ANO2: variants seen among roughly 807,000 people sequenced by gnomAD.
ANO2 encodes the protein anoctamin 2.
ANO2 carries 101 observed loss-of-function variants against 124.2 expected under a neutral mutation model. The ratio of observed to expected loss-of-function variants is 0.81; its 90% CI spans 0.69 to 0.96. The LOEUF is 0.96. Among genes scored for constraint, ANO2 ranks in the 40% least tolerant of loss-of-function variants. The pLI is 0.00. For synonymous variants in ANO2, 486 were observed against 482.5 expected (o/e 1.01, Z -0.09); for missense variants, 1,293 against 1,274.5 (o/e 1.01, Z -0.22).
intron 7 of ANO2, among the ~76,000 whole-genome samples, chr12:5,812,827 G>A (rs1417431536): frequency 1.4e-5 from 2 of 141,448 alleles, no homozygotes; most frequent in Admixed American, 7.2e-5. Flanking sequence ...AGGAAGGGAG[G>A]AAGGAAAGAA....
intron 14 of ANO2, among the ~76,000 whole-genome samples, chr12:5,659,086 G>C (rs1265907792): frequency 1.3e-5 from 2 of 152,090 alleles, no homozygotes; most frequent in African/African-American, 2.4e-5. Flanking sequence ...TGGTCCCACT[G>C]TCCCCTCAGA....
At chr12:5,815,096 C>T (rs903375581) in intron 7 of ANO2, among the ~76,000 whole-genome samples, 1 of 152,310 alleles carries the variant, frequency 6.6e-6, no homozygotes, top group Non-Finnish European at 1.5e-5. Flanking sequence ...TCAGCTCTCA[C>T]AACAGAAAAC....
chr12:5,923,160 GCATACACACACA>G (rs1941856090), intron 1 of ANO2, among the ~76,000 whole-genome samples: 6 of 24,600 alleles, frequency 2.4e-4, no homozygotes, highest in Non-Finnish European at 4.2e-4. Context: ...ATACACACAC[GCATACACACACA>G]CGCACACACA....
chr12:5,787,130 A>C lies in ANO2; in HGVS notation c.1055+12377T>G, dbSNP rs1349821171. Among the ~76,000 whole-genome samples, 1 of 152,156 alleles carries C rather than the reference A, an allele frequency of 6.6e-6. No homozygotes were observed. The highest frequency in any genetic ancestry group is 2.4e-5 in the African/African-American group (1 of 41,424). ...AGTCATGATGGCCAGGCTGCCCACA[A>C]GTCCTTCAGAAGGACAAAGGGCACA... On this transcript the variant is annotated intron_variant, in intron 10 of 24. Coordinates refer to ENST00000682330, the MANE Select transcript of ANO2 (RefSeq NM_001364791.2). This position sits in a 1 kb window ranked among gnomAD's most constrained non-coding sequence, Gnocchi z 4.2.
chr12:5,579,558 C>T (rs550487508), intron 20 of ANO2, among the ~76,000 whole-genome samples: 10 of 152,282 alleles, frequency 6.6e-5, no homozygotes, highest in East Asian at 3.9e-4. Flanking sequence ...AGCCTCCTGA[C>T]GGGGTTTCTT....
chr12:5,678,772 A>T (rs1948364060), intron 14 of ANO2, among the ~76,000 whole-genome samples: 1 of 152,226 alleles, frequency 6.6e-6, no homozygotes, highest in Admixed American at 6.5e-5. Flanking sequence ...TGATTTGGAT[A>T]AAGAAAAATC....
chr12:5,795,859 T>C (rs561517801), intron 10 of ANO2, among the ~76,000 whole-genome samples: 7 of 152,286 alleles, frequency 4.6e-5, no homozygotes, highest in Admixed American at 1.3e-4. Context: ...GTTTTCCTCC[T>C]GGGTTTTAGA....
intron 3 of ANO2, among the ~76,000 whole-genome samples, chr12:5,911,125 T>C (rs1393561578): frequency 6.6e-6 from 1 of 152,212 alleles, no homozygotes; most frequent in Non-Finnish European, 1.5e-5. Context: ...TCACCTCTGT[T>C]ACTGCACTTT....
intron 15 of ANO2, among the ~76,000 whole-genome samples, 172 bp downstream of exon 15, chr12:5,647,555 G>A (rs1946705986): frequency 6.6e-6 from 1 of 152,162 alleles, no homozygotes; most frequent in Admixed American, 6.5e-5. Context: ...ATTCTAGCAT[G>A]GGTGGTCAAT....
At chr12:5,852,859 G>GTGTA (rs1954955243) in intron 4 of ANO2, among the ~76,000 whole-genome samples, 1 of 145,960 alleles carries the variant, frequency 6.9e-6, no homozygotes, top group Non-Finnish European at 1.5e-5. Context: ...GTGTGTGTGT[G>GTGTA]TGTGTGTGTG....
At chr12:5,849,512 A>G (rs1954800303) in intron 4 of ANO2, among the ~76,000 whole-genome samples, 1 of 152,212 alleles carries the variant, frequency 6.6e-6, no homozygotes, top group Non-Finnish European at 1.5e-5. Context: ...CTCGGGGCCA[A>G]AGGCCAGGCC....
At position 5,570,377 on chromosome 12, in the gene ANO2, A is replaced by G. The variant is rs112589610; in HGVS notation, c.2622-4714T>C. Among the ~76,000 whole-genome samples, 1,237 of 152,264 alleles carry G rather than the reference A, an allele frequency of 8.1e-3. 8 individuals are homozygous for G. The highest frequency in any genetic ancestry group is 0.027 in the African/African-American group (1,104 of 41,538). ...GGGCAGGGGTTAGGGTGGAGGCAAA[A>G]CAGAGGTGGAGTGGTTACCTGTAAT... On this transcript the variant is annotated intron_variant, in intron 23 of 24. Transcript: ENST00000682330.
chr12:5,580,473 G>A (rs1942681824), intron 20 of ANO2, among the ~76,000 whole-genome samples: 1 of 152,190 alleles, frequency 6.6e-6, no homozygotes, highest in South Asian at 2.1e-4. Flanking sequence ...TCTAACTAGA[G>A]GTATGATTTT....
At chr12:5,647,360 G>A (rs1428295353) in intron 15 of ANO2, among the ~76,000 whole-genome samples, 4 of 152,162 alleles carry the variant, frequency 2.6e-5, no homozygotes, top group Admixed American at 6.5e-5. Context: ...CACACTTACC[G>A]AGCCCAAGCT....
chr12:5,834,256 T>G lies in ANO2; in HGVS notation c.634-1653A>C, dbSNP rs150035812. On this transcript the variant is annotated intron_variant, in intron 4 of 24. Transcript: ENST00000682330. ...CTAATCTGTCAGGCTGCAATAGACA[T>G]CCAGAATAAGAGGCAACATCCAGAC... is the stretch of plus-strand genomic sequence containing the variant. Among the ~76,000 whole-genome samples the G allele has an allele frequency of 6.0e-4, 91 of 152,328 alleles. 1 individual carries two copies. Among genetic ancestry groups the G allele is most frequent in the African/African-American group, 2.1e-3 (86 of 41,568 alleles).
intron 16 of ANO2, among the ~76,000 whole-genome samples, chr12:5,617,839 C>T (rs776467992): frequency 2.0e-5 from 3 of 152,152 alleles, no homozygotes; most frequent in Admixed American, 6.5e-5. Context: ...TGTTTTCTTC[C>T]GTTATGCTTT....
At chr12:5,751,149 G>A (rs556498482) in intron 10 of ANO2, among the ~76,000 whole-genome samples, 179 bp from the exon 11 acceptor site, 1 of 152,284 alleles carries the variant, frequency 6.6e-6, no homozygotes, top group Admixed American at 6.5e-5. Flanking sequence ...ATCAACAACT[G>A]AGCTTTTCTG....
intron 3 of ANO2, among the ~76,000 whole-genome samples, chr12:5,917,638 G>C (rs1941461859): frequency 6.8e-6 from 1 of 146,122 alleles, no homozygotes; most frequent in South Asian, 2.2e-4. Context: ...TGCCATCTCA[G>C]CTCACTGCAA....
At chr12:5,638,303 T>C (rs1946140985) in intron 15 of ANO2, among the ~76,000 whole-genome samples, 1 of 147,174 alleles carries the variant, frequency 6.8e-6, no homozygotes, top group Non-Finnish European at 1.5e-5. Flanking sequence ...TGGTGCGATC[T>C]GGGCTCACTG....
Sources: gnomAD v4.1 joint callset for allele counts (sites outside exome capture counted in the v4.1 genomes callset) on GRCh38, gnomAD v4.1.1 for gene constraint, Gnocchi (gnomAD v3.1) non-coding constraint, MANE v1.5 for transcripts, NCBI Gene and HGNC (gene_info 2026-07-23, HGNC 2026-07-21) for gene names.